The following RASA1 variants were observed in gnomAD, a reference collection of about 807,000 sequenced individuals.
RASA1 encodes the protein RAS p21 protein activator 1.
Under a neutral mutation model 132.2 loss-of-function variants are expected in RASA1, and 25 were observed. The observed-to-expected ratio is 0.19, with a 90% CI of 0.14 to 0.26. The LOEUF (loss-of-function observed/expected upper bound fraction) is 0.26, where lower values mean the gene tolerates loss of function less well. Among genes scored for constraint, RASA1 ranks in the 10% least tolerant of loss-of-function variants. The pLI, the probability that RASA1 is intolerant of heterozygous loss-of-function variation, is 1.00. For synonymous variants in RASA1, 477 were observed against 449.9 expected (o/e 1.06, Z -0.76); for missense variants, 964 against 1,299.2 (o/e 0.74, Z 3.97).
At chr5:87,281,158 A>G (rs921557999) in intron 1 of RASA1, among the ~76,000 whole-genome samples, 3 of 151,974 alleles carry the variant, frequency 2.0e-5, no homozygotes, top group African/African-American at 7.3e-5. Context: ...AGGAATCATC[A>G]TACTGTTTTC....
Position 87,268,811 on chromosome 5 carries a change from C to G in RASA1, c.360C>G (p.Pro120=), listed in dbSNP as rs137878395. 1.2e-4 allele frequency: 193 copies of G among 1,613,968 alleles called. No individual in the cohort carries two copies. The highest frequency in any genetic ancestry group is 1.5e-4 in the Non-Finnish European group (179 of 1,180,030). The part of the protein sequence containing the change: ...PSGDMALTKL[P]TSLLAETLGP... ...GAGACATGGCTCTCACCAAACTGCC[C>G]ACTTCGTTGCTTGCTGAGACTCTCG... Residue 120 remains proline (P), a synonymous_variant, in exon 1 of 25, where the codon CCC becomes CCG. Transcript: ENST00000274376.
Position 87,283,386 on chromosome 5 carries a change from T to A in RASA1, c.539+14396T>A, listed in dbSNP as rs151116169. Among the ~76,000 whole-genome samples, 121 of 152,074 alleles carry A rather than the reference T, an allele frequency of 8.0e-4. 1 individual carries two copies. Among genetic ancestry groups the A allele is most frequent in the African/African-American group, 2.7e-3 (112 of 41,542 alleles). On this transcript the variant is annotated intron_variant, in intron 1 of 24. Coordinates refer to ENST00000274376, the MANE Select transcript of RASA1 (RefSeq NM_002890.3). Reference sequence around the variant, plus strand: ...CTCATCCAAGTTGTGACTTTCTTGGTTCTTGGTATGATGGGTGAGTTTTGA... The same window carrying A: ...CTCATCCAAGTTGTGACTTTCTTGGATCTTGGTATGATGGGTGAGTTTTGA...
intron 1 of RASA1, among the ~76,000 whole-genome samples, chr5:87,292,159 A>G (rs995010164): frequency 6.6e-6 from 1 of 152,080 alleles, no homozygotes; most frequent in African/African-American, 2.4e-5. Context: ...TGCAGAGCAG[A>G]AGTTTTTAAT....
intron 11 of RASA1, among the ~76,000 whole-genome samples, chr5:87,368,862 T>C (rs1343919056): frequency 1.3e-5 from 2 of 152,174 alleles, no homozygotes; most frequent in African/African-American, 4.8e-5. Context: ...CTTTGGTTGT[T>C]CTCCAGTGCT....
At position 87,315,406 on chromosome 5, in the gene RASA1, G is replaced by T. The variant is rs190690559; in HGVS notation, c.540-15942G>T. On this transcript the variant is annotated intron_variant, in intron 1 of 24. Transcript: ENST00000274376. The stretch of plus-strand genomic sequence containing the variant: ...AAAAACCACCAATCCCATCATGGGG[G>T]CCTGCCCCACCCTGATGACCCTATC... 1.8e-3 allele frequency among the ~76,000 whole-genome samples: 267 copies of T among 152,240 alleles called. 1 individual carries two copies. Among genetic ancestry groups the T allele is most frequent in the Non-Finnish European group, 1.9e-3 (128 of 68,018 alleles).
chr5:87,322,825 T>A (rs1278292297), intron 1 of RASA1, among the ~76,000 whole-genome samples: 3 of 152,112 alleles, frequency 2.0e-5, no homozygotes, highest in Admixed American at 6.6e-5. Flanking sequence ...ATAAATAAAA[T>A]AACACCACAA....
chr5:87,284,016 T>TA (rs1754434695), intron 1 of RASA1, among the ~76,000 whole-genome samples: 1 of 152,192 alleles, frequency 6.6e-6, no homozygotes, highest in African/African-American at 2.4e-5. Flanking sequence ...TATCAACAAA[T>TA]ACCTCCTTAA....
chr5:87,331,272 A>G (rs1246433964), intron 1 of RASA1, 76 bp from the exon 2 acceptor site: 1 of 1,395,630 alleles, frequency 7.2e-7, no homozygotes, highest in Non-Finnish European at 1.0e-6. Flanking sequence ...AACCTCTAGT[A>G]GTATGTTTTT....
chr5:87,272,538 TG>T lies in RASA1; in HGVS notation c.539+3549del, dbSNP rs1216587847. ...AGGAATGGTACCTTCCTCATATGAT[TG>T]TTTTTTTTTTTTTAAGATTTAATGA... On this transcript the variant is annotated intron_variant, in intron 1 of 24. Coordinates refer to ENST00000274376, the MANE Select transcript of RASA1 (RefSeq NM_002890.3). Among the ~76,000 whole-genome samples, 6 of 151,926 alleles carry T rather than the reference TG, an allele frequency of 3.9e-5. 1 individual carries two copies. The highest frequency in any genetic ancestry group is 1.9e-4 in the East Asian group (1 of 5,172).
intron 20 of RASA1, 32 bp from the exon 21 acceptor site, chr5:87,383,678 TAAA>T (rs368117332): frequency 3.8e-4 from 500 of 1,315,904 alleles, no homozygotes; most frequent in Admixed American, 6.1e-4. Flanking sequence ...AGGTGTTTTC[TAAA>T]AAAAAAAAAA....
chr5:87,272,009 G>A (rs1353921673), intron 1 of RASA1, among the ~76,000 whole-genome samples: 1 of 151,724 alleles, frequency 6.6e-6, no homozygotes, highest in African/African-American at 2.4e-5. Context: ...AAAATCAGCC[G>A]GTCGTGTTGG....
At chr5:87,280,976 C>T (rs1172267060) in intron 1 of RASA1, among the ~76,000 whole-genome samples, 1 of 151,740 alleles carries the variant, frequency 6.6e-6, no homozygotes, top group East Asian at 1.9e-4. Context: ...TATATATCAC[C>T]TTTTGTTTAC....
At chr5:87,313,615 C>G (rs1159479558) in intron 1 of RASA1, among the ~76,000 whole-genome samples, 3 of 152,070 alleles carry the variant, frequency 2.0e-5, no homozygotes, top group Non-Finnish European at 4.4e-5. Context: ...CTTAAATGTC[C>G]CCCAGTATCC....
At chr5:87,315,454 C>T (rs1339801730) in intron 1 of RASA1, among the ~76,000 whole-genome samples, 1 of 152,148 alleles carries the variant, frequency 6.6e-6, no homozygotes, top group Non-Finnish European at 1.5e-5. Flanking sequence ...AGGTAGGCCT[C>T]ACAAAGGCCC....
At chr5:87,292,204 A>G (rs1180700526) in intron 1 of RASA1, among the ~76,000 whole-genome samples, 1 of 151,880 alleles carries the variant, frequency 6.6e-6, no homozygotes, top group Non-Finnish European at 1.5e-5. Flanking sequence ...TTTTTCTTTC[A>G]TGGATTGTGA....
intron 6 of RASA1, 65 bp downstream of exon 6, chr5:87,341,386 A>G: frequency 8.6e-7 from 1 of 1,160,530 alleles, no homozygotes; most frequent in South Asian, 2.8e-5. Flanking sequence ...TAATTGGAAA[A>G]CTTTGGCCAA....
At chr5:87,389,553 C>T (rs766327338) in intron 24 of RASA1, 26 bp downstream of exon 24, 8 of 1,611,098 alleles carry the variant, frequency 5.0e-6, no homozygotes, top group Middle Eastern at 1.6e-4. Context: ...CCTTCATTAA[C>T]AATGATGTTT....
intron 1 of RASA1, among the ~76,000 whole-genome samples, chr5:87,325,751 G>C (rs1364687936): frequency 6.6e-6 from 1 of 152,116 alleles, no homozygotes; most frequent in Non-Finnish European, 1.5e-5. Context: ...TGTTTTAATG[G>C]TTTTCTGTTG....
At chr5:87,324,815 C>A (rs1757104483) in intron 1 of RASA1, among the ~76,000 whole-genome samples, 1 of 151,904 alleles carries the variant, frequency 6.6e-6, no homozygotes, top group South Asian at 2.1e-4. Context: ...AGTGGTTGTT[C>A]AAGTGAATTT....
Sources: gnomAD v4.1 joint callset for allele counts (sites outside exome capture counted in the v4.1 genomes callset) on GRCh38, gnomAD v4.1.1 for gene constraint, MANE v1.5 for transcripts, NCBI Gene and HGNC (gene_info 2026-07-23, HGNC 2026-07-21) for gene names.